Variants in CDKL1 observed in about 807,000 individuals in gnomAD.
CDKL1 encodes cyclin-dependent kinase-like 1.
In CDKL1, 41 loss-of-function variants were observed where a neutral mutation model predicts 42.0. The ratio of observed to expected loss-of-function variants is 0.98; its 90% CI spans 0.76 to 1.27. The LOEUF (loss-of-function observed/expected upper bound fraction) is 1.27. Ranked by LOEUF, CDKL1 falls within the 50% of genes most tolerant of loss-of-function variation. The probability of loss-of-function intolerance (pLI) is 0.00; values close to 1 mark genes in which losing one functional copy is unlikely to be tolerated. For missense variants in CDKL1, 394 were observed against 428.4 expected, an observed-to-expected ratio of 0.92 and a Z score of 0.71; for synonymous variants, 153 against 158.6, an observed-to-expected ratio of 0.96 and a Z score of 0.26.
At chr14:50,393,484 T>A (rs1368423110) in intron 2 of CDKL1, among the ~76,000 whole-genome samples, 1 of 152,206 alleles carries the variant, frequency 6.6e-6, no homozygotes, top group Non-Finnish European at 1.5e-5. Context: ...TTAAGTATCT[T>A]TATTTTATAA....
At position 50,328,725 on chromosome 14, in the gene CDKL1, C is replaced by T. The variant is rs534246896; in HGVS notation, c.*1349G>A. 1.3e-5 allele frequency: 2 copies of T among 152,208 alleles called. No individual in the cohort carries two copies. Among genetic ancestry groups the T allele is most frequent in the South Asian group, 2.1e-4 (1 of 4,822 alleles). 9.4% of individuals were successfully genotyped at this position (152,208 alleles called of 1,614,324 possible). ...GTCATTTTGGCCAGGCGCAGTGGCT[C>T]ATGCCTGTAATGCCAGCACTTTGGA... On this transcript the variant is annotated 3_prime_UTR_variant, in exon 10 of 10. Transcript: ENST00000395834.
At chr14:50,370,710 C>A (rs2139486709) in intron 2 of CDKL1, among the ~76,000 whole-genome samples, 1 of 152,174 alleles carries the variant, frequency 6.6e-6, no homozygotes, top group African/African-American at 2.4e-5. Context: ...ACAATCATGG[C>A]AAAAGGTGAA....
At chr14:50,378,937 C>T (rs1235913523) in intron 2 of CDKL1, among the ~76,000 whole-genome samples, 21 of 151,930 alleles carry the variant, frequency 1.4e-4, no homozygotes, top group African/African-American at 4.8e-5. Flanking sequence ...CTGCAACCTC[C>T]GCCTTCTGGG....
intron 2 of CDKL1, among the ~76,000 whole-genome samples, chr14:50,383,178 C>T (rs55976553): frequency 3.3e-5 from 5 of 151,918 alleles, no homozygotes; most frequent in East Asian, 3.9e-4. Context: ...CCATCTGCCT[C>T]GGCCTCCCAA....
rs1204892502 is a variant in CDKL1 at position 50,329,154 on chromosome 14, A to G, written c.*920T>C. 1 of 152,004 alleles carries G rather than the reference A, an allele frequency of 6.6e-6. No individual in the cohort carries two copies. Among genetic ancestry groups the G allele is most frequent in the Non-Finnish European group, 1.5e-5 (1 of 67,998 alleles). 9.4% of individuals were successfully genotyped at this position (152,004 alleles called of 1,614,324 possible). A position where few individuals can be genotyped will look rare whatever the true frequency, so the allele number is the denominator to read the frequency against. On this transcript the variant is annotated 3_prime_UTR_variant, in exon 10 of 10. Transcript: ENST00000395834. ...ACATAATGTCTTTCATGACTCAAGT[A>G]AAAGCTCACAAGTAATTTCTTCTGA...
rs990105860 is a variant in CDKL1, at chr14:50,330,019, A to G, written c.*55T>C. ...GTTTTCAATCAACTGTATAAGTTTT[A>G]TTTTCTTCAAAGCATCTATTGATTC... is the stretch of plus-strand genomic sequence containing the variant. On this transcript the variant is annotated 3_prime_UTR_variant, in exon 10 of 10. Coordinates refer to ENST00000395834, the MANE Select transcript of CDKL1 (RefSeq NM_004196.7). 16 of 1,575,404 alleles carry G rather than the reference A, an allele frequency of 1.0e-5. No homozygotes were observed. The highest frequency in any genetic ancestry group is 1.7e-4 in the Middle Eastern group (1 of 5,948).
chr14:50,339,006 G>T lies in CDKL1; in HGVS notation c.679C>A (p.Gln227Lys). Residue 227 changes from glutamine to lysine, a missense_variant, in exon 7 of 10, where the codon CAA (glutamine) becomes AAA (lysine). Transcript: ENST00000395834. Reference sequence around the variant, plus strand: ...AAGTACTGATTCGTGCTAAACACTTGCTGGTGCCTAGGAATGAGATCCCCT... The same window carrying T: ...AAGTACTGATTCGTGCTAAACACTTTCTGGTGCCTAGGAATGAGATCCCCT... ...TLGDLIPRHQ[Q>K]VFSTNQYFSG... The T allele has an allele frequency of 3.7e-6, 6 of 1,611,996 alleles. No homozygotes were observed. Among genetic ancestry groups the T allele is most frequent in the Non-Finnish European group, 5.1e-6 (6 of 1,178,044 alleles).
At chr14:50,358,788 C>T (rs977526542) in intron 3 of CDKL1, among the ~76,000 whole-genome samples, 4 of 151,700 alleles carry the variant, frequency 2.6e-5, no homozygotes, top group Non-Finnish European at 4.4e-5. Flanking sequence ...TACAGGCACC[C>T]GCCACCACGC....
At chr14:50,337,594 A>G (rs1260841559) in intron 7 of CDKL1, among the ~76,000 whole-genome samples, 1 of 150,384 alleles carries the variant, frequency 6.6e-6, no homozygotes, top group African/African-American at 2.4e-5. Flanking sequence ...CTCAAGCAAT[A>G]TTTCACCTCA....
intron 2 of CDKL1, chr14:50,378,467 T>C (rs577996371): frequency 7.4e-7 from 1 of 1,354,850 alleles, no homozygotes; most frequent in East Asian, 4.6e-5. Flanking sequence ...ATGAGAGCAC[T>C]ACACTGTCGC....
intron 2 of CDKL1, chr14:50,362,179 C>T (rs1363820577): frequency 3.7e-6 from 1 of 266,816 alleles, no homozygotes; most frequent in Non-Finnish European, 7.4e-6. Flanking sequence ...CACCCCCCCA[C>T]CCCCACCGTG....
intron 2 of CDKL1, among the ~76,000 whole-genome samples, chr14:50,373,760 A>T (rs1365709757): frequency 6.6e-6 from 1 of 152,226 alleles, no homozygotes; most frequent in Non-Finnish European, 1.5e-5. Context: ...AAAATCCCCC[A>T]AAAAGCTGAT....
At chr14:50,390,386 C>G in intron 2 of CDKL1, 5 of 1,359,510 alleles carry the variant, frequency 3.7e-6, no homozygotes, top group Non-Finnish European at 4.9e-6. Context: ...GGCAGAAATT[C>G]TTTCTTTCCT....
intron 7 of CDKL1, among the ~76,000 whole-genome samples, chr14:50,337,376 G>T (rs2033338227): frequency 6.7e-6 from 1 of 149,426 alleles, no homozygotes; most frequent in Admixed American, 6.7e-5. Context: ...TTTAGAGACA[G>T]AGTTTTGCTC....
chr14:50,340,954 CTG>C (rs2033493377), intron 6 of CDKL1, 76 bp downstream of exon 6: 2 of 1,511,144 alleles, frequency 1.3e-6, no homozygotes, highest in African/African-American at 2.7e-5. Context: ...TTAGGTGAGA[CTG>C]AGAACTTGGC....
intron 2 of CDKL1, among the ~76,000 whole-genome samples, chr14:50,372,897 T>C (rs79343563): frequency 2.9e-3 from 153 of 52,986 alleles, no homozygotes; most frequent in African/African-American, 8.1e-3. Context: ...ATGTGTCTAA[T>C]TTTTTTTTTT....
intron 2 of CDKL1, among the ~76,000 whole-genome samples, chr14:50,395,339 T>A (rs11570785): frequency 0.039 from 5,878 of 152,342 alleles, 179 homozygotes; most frequent in Admixed American, 0.11. Context: ...TACCTGGCAC[T>A]TTTGTCTCTG....
intron 5 of CDKL1, among the ~76,000 whole-genome samples, chr14:50,341,537 G>A (rs1048993877): frequency 1.3e-5 from 2 of 150,762 alleles, no homozygotes; most frequent in Admixed American, 6.7e-5. Context: ...CCAGCACTTT[G>A]GGAGGCCGAG....
rs2033410337 is a variant in CDKL1 at position 50,338,998 on chromosome 14, A to T, written c.687T>A (p.Phe229Leu). The T allele has an allele frequency of 1.9e-6, 3 of 1,612,704 alleles. No individual in the cohort carries two copies. Among genetic ancestry groups the T allele is most frequent in the Non-Finnish European group, 2.5e-6 (3 of 1,178,812 alleles). Residue 229 changes from phenylalanine (F) to leucine (L), a missense_variant, in exon 7 of 10, where the codon TTT (phenylalanine) becomes TTA (leucine). Coordinates refer to ENST00000395834, the MANE Select transcript of CDKL1 (RefSeq NM_004196.7). Reference sequence around the variant, plus strand: ...CTCCACTGAAGTACTGATTCGTGCTAAACACTTGCTGGTGCCTAGGAATGA... The same window carrying T: ...CTCCACTGAAGTACTGATTCGTGCTTAACACTTGCTGGTGCCTAGGAATGA... ...GDLIPRHQQV[F>L]STNQYFSGVK...
Sources: allele counts gnomAD v4.1 joint callset (sites outside exome capture counted in the v4.1 genomes callset), GRCh38; gene constraint gnomAD v4.1.1; transcripts MANE v1.5; gene names NCBI Gene and HGNC (gene_info 2026-07-23, HGNC 2026-07-21).